The following RBFOX1 variants were observed in gnomAD, a reference collection of about 807,000 sequenced individuals.
RBFOX1 encodes RNA binding fox-1 homolog 1.
A neutral mutation model predicts 57.7 loss-of-function variants in RBFOX1; 8 were observed. The observed-to-expected ratio is 0.14, with a 90% CI of 0.08 to 0.25. RBFOX1 has a LOEUF of 0.25. Among genes scored for constraint, RBFOX1 ranks in the 10% least tolerant of loss-of-function variants. RBFOX1 has a pLI of 1.00. For missense variants in RBFOX1, 611 were observed against 548.5 expected (o/e 1.11, Z -1.14); for synonymous variants, 326 against 222.4 (o/e 1.47, Z -4.15).
In RBFOX1 at chr16:6,668,408, G is replaced by A. The variant is rs73531956; in HGVS notation, c.-16+13758G>A. On this transcript the variant is annotated intron_variant, in intron 3 of 15. Coordinates refer to ENST00000550418, the MANE Select transcript of RBFOX1 (RefSeq NM_018723.4). ...CATCTGAGGAGTAATACAAAGCCAC[G>A]TGTTGTGTGTTTCAGCCCAAAGATG... 9.8e-3 allele frequency among the ~76,000 whole-genome samples: 1,486 copies of A among 152,320 alleles called. 24 individuals carry two copies. Among genetic ancestry groups the A allele is most frequent in the African/African-American group, 0.034 (1,416 of 41,566 alleles).
In RBFOX1 at chr16:7,655,514, A is replaced by G. The variant is rs370403169; in HGVS notation, c.890+1567A>G. Among the ~76,000 whole-genome samples, 132 of 152,348 alleles carry G rather than the reference A, an allele frequency of 8.7e-4. 1 individual carries two copies. The highest frequency in any genetic ancestry group is 2.9e-3 in the African/African-American group (122 of 41,580). On this transcript the variant is annotated intron_variant, in intron 12 of 15. Transcript: ENST00000550418. ...GACCATGCAATATAAGGAGTTGTCG[A>G]TAGTATAATTTTTATCTCTGGTATC...
chr16:6,299,491 C>G (rs118070356), intron 1 of RBFOX1, among the ~76,000 whole-genome samples: 1 of 152,170 alleles, frequency 6.6e-6, no homozygotes, highest in Non-Finnish European at 1.5e-5. Flanking sequence ...AGCGCCAGCA[C>G]ATGGTGAAGC....
At chr16:7,297,720 A>G (rs2095927907) in intron 4 of RBFOX1, among the ~76,000 whole-genome samples, 1 of 152,184 alleles carries the variant, frequency 6.6e-6, no homozygotes, top group Non-Finnish European at 1.5e-5. Flanking sequence ...AGCAATGATG[A>G]TAATATAACT....
intron 4 of RBFOX1, among the ~76,000 whole-genome samples, chr16:7,428,706 T>C (rs910767579): frequency 6.6e-6 from 1 of 151,766 alleles, no homozygotes; most frequent in Admixed American, 6.6e-5. Context: ...GACCAAACAT[T>C]GGAGTCAGAC....
intron 3 of RBFOX1, among the ~76,000 whole-genome samples, chr16:6,946,673 G>A (rs1194156096): frequency 6.7e-6 from 1 of 149,720 alleles, no homozygotes; most frequent in East Asian, 1.9e-4. Context: ...TGAGATCACA[G>A]TTCACTGCAA....
At chr16:6,180,960 T>G (rs2097058417) in intron 1 of RBFOX1, among the ~76,000 whole-genome samples, 1 of 152,226 alleles carries the variant, frequency 6.6e-6, no homozygotes, top group Non-Finnish European at 1.5e-5. Flanking sequence ...TTCAGACACC[T>G]TGAGCACTAA....
chr16:7,010,705 A>C (rs1197887804), intron 3 of RBFOX1, among the ~76,000 whole-genome samples: 1 of 151,988 alleles, frequency 6.6e-6, no homozygotes. Flanking sequence ...CTGGGATTAC[A>C]CTTGCATGCC....
intron 2 of RBFOX1, among the ~76,000 whole-genome samples, chr16:6,421,994 C>G (rs2093787320): frequency 6.8e-6 from 1 of 146,486 alleles, no homozygotes; most frequent in Non-Finnish European, 1.5e-5. Flanking sequence ...TATCTCGGCT[C>G]ACTGCAACCT....
intron 3 of RBFOX1, among the ~76,000 whole-genome samples, chr16:5,795,012 A>T (rs1008496138): frequency 6.6e-6 from 1 of 152,156 alleles, no homozygotes; most frequent in Non-Finnish European, 1.5e-5. Context: ...CTTGGCTCAA[A>T]ATCTAACTTT....
intron 3 of RBFOX1, among the ~76,000 whole-genome samples, chr16:5,714,977 T>G (rs887911868): frequency 6.6e-5 from 10 of 152,190 alleles, no homozygotes; most frequent in Non-Finnish European, 1.2e-4. Flanking sequence ...TTGTGTTGAG[T>G]TGAATAAACC....
chr16:5,696,162 C>G (rs2151471269), intron 3 of RBFOX1, among the ~76,000 whole-genome samples: 1 of 152,260 alleles, frequency 6.6e-6, no homozygotes, highest in East Asian at 1.9e-4. Flanking sequence ...ATATTTGCTT[C>G]AGAATTTGTA....
chr16:6,288,060 A>C (rs566194672), intron 1 of RBFOX1, among the ~76,000 whole-genome samples: 1 of 152,184 alleles, frequency 6.6e-6, no homozygotes, highest in Non-Finnish European at 1.5e-5. Context: ...CATGGCTCAC[A>C]TGTTCCACTT....
intron 5 of RBFOX1, among the ~76,000 whole-genome samples, chr16:7,574,336 A>G (rs2093096134): frequency 6.6e-6 from 1 of 152,180 alleles, no homozygotes; most frequent in South Asian, 2.1e-4. Flanking sequence ...AATAAAATAG[A>G]TGTTTATGTA....
rs117419618 is a variant in RBFOX1, at chr16:7,063,621, A to G, written c.27+11523A>G. Among the ~76,000 whole-genome samples the G allele has an allele frequency of 3.3e-5, 5 of 152,304 alleles. No individual in the cohort carries two copies. The East Asian group carries it at 9.7e-4, about 29-fold the overall frequency. On this transcript the variant is annotated intron_variant, in intron 4 of 15. Transcript: ENST00000550418. The stretch of plus-strand genomic sequence containing the variant: ...TAAAATGTTTTGATGTCTCAGCCTT[A>G]TCCTAGGAATGCTATTGGCCCTTCA...
intron 14 of RBFOX1, among the ~76,000 whole-genome samples, chr16:7,692,924 A>G (rs2077690960): frequency 6.6e-6 from 1 of 151,964 alleles, no homozygotes; most frequent in Non-Finnish European, 1.5e-5. Flanking sequence ...GAATTTTATA[A>G]TTTTTCTAGC....
At chr16:5,936,723 AT>A (rs1472307983) in intron 4 of RBFOX1, among the ~76,000 whole-genome samples, 3 of 152,236 alleles carry the variant, frequency 2.0e-5, no homozygotes, top group Non-Finnish European at 2.9e-5. Flanking sequence ...TGTACTGTGT[AT>A]AAATGGGGAT....
chr16:7,188,544 C>T (rs2084494181), intron 4 of RBFOX1, among the ~76,000 whole-genome samples: 1 of 152,104 alleles, frequency 6.6e-6, no homozygotes, highest in African/African-American at 2.4e-5. Flanking sequence ...CTTTTCTCCC[C>T]ATCACCCACC....
At chr16:7,125,164 G>C (rs2068175332) in intron 4 of RBFOX1, among the ~76,000 whole-genome samples, 1 of 152,174 alleles carries the variant, frequency 6.6e-6, no homozygotes, top group Non-Finnish European at 1.5e-5. Context: ...CTGCATGGTG[G>C]TGTTAAGTGT....
At chr16:7,680,340 G>C (rs11077211) in intron 14 of RBFOX1, among the ~76,000 whole-genome samples, 17,585 of 152,176 alleles carry the variant, frequency 0.12, 1,048 homozygotes, top group Middle Eastern at 0.14. Flanking sequence ...AATGTGATGT[G>C]TACATGGCTT....
Sources: gnomAD v4.1 joint callset for allele counts (sites outside exome capture counted in the v4.1 genomes callset) on GRCh38, gnomAD v4.1.1 for gene constraint, MANE v1.5 for transcripts, NCBI Gene and HGNC (gene_info 2026-07-23, HGNC 2026-07-21) for gene names.